Variants in TMEM98 observed in about 807,000 individuals in gnomAD.
TMEM98 encodes the protein transmembrane protein 98.
In TMEM98, 18 loss-of-function variants were observed where a neutral mutation model predicts 25.0. That is an observed-to-expected ratio of 0.72 (90% confidence interval 0.50 to 1.07). TMEM98 has a LOEUF of 1.07. TMEM98 is among the 50% of genes least tolerant of loss of function. The pLI, the probability that TMEM98 is intolerant of heterozygous loss-of-function variation, is 0.00. For missense variants in TMEM98, 241 were observed against 289.0 expected (o/e 0.83, Z 1.20); for synonymous variants, 103 against 112.4 (o/e 0.92, Z 0.53).
intron 4 of TMEM98, among the ~76,000 whole-genome samples, chr17:32,933,506 C>A (rs1567697184): frequency 6.6e-6 from 1 of 152,190 alleles, no homozygotes; most frequent in Non-Finnish European, 1.5e-5. Flanking sequence ...ATTTTGTAGA[C>A]CTGAACACTG....
intron 5 of TMEM98, among the ~76,000 whole-genome samples, chr17:32,935,569 G>C (rs2091491759): frequency 6.6e-6 from 1 of 152,128 alleles, no homozygotes; most frequent in African/African-American, 2.4e-5. Flanking sequence ...AGTCTCTGTG[G>C]TGGGAGCTGG....
At chr17:32,932,610 A>G (rs2091475876) in intron 3 of TMEM98, among the ~76,000 whole-genome samples, 1 of 152,168 alleles carries the variant, frequency 6.6e-6, no homozygotes, top group South Asian at 2.1e-4. Context: ...AAGCTCTTCT[A>G]CTGAACAGAA....
At position 32,940,874 on chromosome 17, in the gene TMEM98, C is replaced by G; in HGVS notation, c.562C>G (p.Gln188Glu). 6.2e-7 allele frequency: 1 copy of G among 1,614,178 alleles called. No homozygotes were observed. The highest frequency in any genetic ancestry group is 8.5e-7 in the Non-Finnish European group (1 of 1,180,020). Reference protein sequence around the residue: ...HLTGGLDWIDQSLSAAEEHLE... With the variant: ...HLTGGLDWIDESLSAAEEHLE... ...GACGGGAGGCCTGGACTGGATTGAC[C>G]AGTCTCTGTCGGCTGCTGAGGAGCA... The change falls in exon 8 of 8, where the codon CAG becomes GAG. Residue 188 changes from glutamine (Q) to glutamate (E), a missense_variant. Transcript: ENST00000579849.
intron 4 of TMEM98, 81 bp downstream of exon 4, chr17:32,933,386 T>A (rs2091480260): frequency 6.3e-7 from 1 of 1,583,536 alleles, no homozygotes; most frequent in African/African-American, 1.3e-5. Flanking sequence ...AGCACTTAGC[T>A]GGCATTCAAG....
chr17:32,933,186 C>G lies in TMEM98; in HGVS notation c.144C>G (p.Asp48Glu), dbSNP rs1387396028. ...LQRYDSKPIV[D>E]LIGAMETQSE... The stretch of plus-strand genomic sequence containing the variant: ...CCTTTTCTTCCAGGCCCATTGTGGA[C>G]CTCATTGGTGCCATGGAGACCCAGT... The change falls in exon 4 of 8, where the codon GAC (aspartate) becomes GAG (glutamate). Residue 48 changes from aspartate (D) to glutamate (E), a missense_variant. Physicochemically the swap from Asp to Glu is conservative, Grantham distance 45. Coordinates refer to ENST00000579849, the MANE Select transcript of TMEM98 (RefSeq NM_015544.3). 5.0e-6 allele frequency: 8 copies of G among 1,614,126 alleles called. No homozygotes were observed. Among genetic ancestry groups the G allele is most frequent in the Admixed American group, 1.7e-5 (1 of 60,016 alleles).
Position 32,936,421 on chromosome 17 carries a change from T to C in TMEM98, c.387T>C (p.Ile129=), listed in dbSNP as rs2091496711. ...MKTSASVSDI[I]VVAKRISPRV... ...CTTCAGCCAGTGTCAGCGACATCAT[T>C]GTGGTGGCCAAGCGGATCAGCCCCA... is the stretch of plus-strand genomic sequence containing the variant. The change falls in exon 6 of 8, where the codon ATT becomes ATC. Residue 129 remains isoleucine (I), a synonymous_variant. Transcript: ENST00000579849. 2 of 1,614,160 alleles carry C rather than the reference T, an allele frequency of 1.2e-6. No individual in the cohort carries two copies. The highest frequency in any genetic ancestry group is 1.7e-6 in the Non-Finnish European group (2 of 1,180,002).
chr17:32,940,479 G>A (rs928794092), intron 7 of TMEM98, among the ~76,000 whole-genome samples: 2 of 152,140 alleles, frequency 1.3e-5, no homozygotes, highest in Admixed American at 6.5e-5. Flanking sequence ...ATGTTAATAG[G>A]TGTGCTGCAG....
Position 32,941,062 on chromosome 17 carries a change from T to C in TMEM98, c.*69T>C. On this transcript the variant is annotated 3_prime_UTR_variant, in exon 8 of 8. Transcript: ENST00000579849. ...CCCTGGATGGCTCAGCTTAGCCTTC[T>C]ACTTTTTCCTATAGAGTTAGTTGTT... is the stretch of plus-strand genomic sequence containing the variant. 7.5e-7 allele frequency: 1 copy of C among 1,335,820 alleles called. No individual in the cohort carries two copies. Among genetic ancestry groups the C allele is most frequent in the Admixed American group, 2.4e-5 (1 of 40,944 alleles). The allele number at this position is 1,335,820 out of a possible 1,614,324, so 82.7% of individuals were successfully genotyped here.
intron 6 of TMEM98, among the ~76,000 whole-genome samples, chr17:32,938,793 T>C (rs1468304428): frequency 2.0e-5 from 3 of 152,232 alleles, no homozygotes; most frequent in Non-Finnish European, 4.4e-5. Context: ...TGAGTGTTCC[T>C]CCAGATCCTT....
chr17:32,941,328 C>A lies in TMEM98; in HGVS notation c.*335C>A. 5.3e-6 allele frequency: 1 copy of A among 188,362 alleles called. No homozygotes were observed. Among genetic ancestry groups the A allele is most frequent in the Non-Finnish European group, 1.1e-5 (1 of 90,660 alleles). 11.7% of individuals were successfully genotyped at this position (188,362 alleles called of 1,614,324 possible). ...CCGTCTAAGAAATCAAGAGGTTTCA[C>A]ATTAAAATTAGAATTTCTGGCCTCT... On this transcript the variant is annotated 3_prime_UTR_variant, in exon 8 of 8. Coordinates refer to ENST00000579849, the MANE Select transcript of TMEM98 (RefSeq NM_015544.3).
chr17:32,932,094 A>ATTTTTTTTTTTTTTTTTTTTTTTTTTTTT (rs774760952), intron 3 of TMEM98, among the ~76,000 whole-genome samples: 1 of 118,992 alleles, frequency 8.4e-6, no homozygotes, highest in Non-Finnish European at 1.7e-5. Flanking sequence ...TGCACAGCAG[A>ATTTTTTTTTTTTTTTTTTTTTTTTTTTTT]TTTTTTTTTT....
At chr17:32,937,420 G>A (rs1246961071) in intron 6 of TMEM98, among the ~76,000 whole-genome samples, 1 of 152,170 alleles carries the variant, frequency 6.6e-6, no homozygotes, top group Non-Finnish European at 1.5e-5. Context: ...AGTTCAGTGA[G>A]TTGAGAGAGT....
intron 6 of TMEM98, among the ~76,000 whole-genome samples, chr17:32,938,963 A>T (rs1485428559): frequency 6.6e-6 from 1 of 152,244 alleles, no homozygotes; most frequent in Non-Finnish European, 1.5e-5. Context: ...GAACTGAAAC[A>T]AAACTAGAAA....
intron 1 of TMEM98, among the ~76,000 whole-genome samples, chr17:32,930,579 C>G (rs1034868003): frequency 6.6e-6 from 1 of 152,208 alleles, no homozygotes; most frequent in Non-Finnish European, 1.5e-5. Context: ...TTTCCAGAAC[C>G]TTTACAGTCT....
chr17:32,936,168 A>C (rs1598202314), intron 5 of TMEM98, among the ~76,000 whole-genome samples, 164 bp from the exon 6 acceptor site: 1 of 151,904 alleles, frequency 6.6e-6, no homozygotes, highest in African/African-American at 2.4e-5. Flanking sequence ...GGCTTTTGCC[A>C]CTTCCCACCC....
At position 32,943,615 on chromosome 17, in the gene TMEM98, T is replaced by A. The variant is rs981557111; in HGVS notation, c.*2622T>A. 1 of 152,206 alleles carries A rather than the reference T, an allele frequency of 6.6e-6. No homozygotes were observed. Among genetic ancestry groups the A allele is most frequent in the African/African-American group, 2.4e-5 (1 of 41,442 alleles). 9.4% of individuals were successfully genotyped at this position (152,206 alleles called of 1,614,324 possible). On this transcript the variant is annotated 3_prime_UTR_variant, in exon 8 of 8. Coordinates refer to ENST00000579849, the MANE Select transcript of TMEM98 (RefSeq NM_015544.3). ...GAGAACAAGATATTTGAAGTCAGAATTAGGTTTGAATTTGGGCTCAGTGAC... is the reference window on the plus strand; with the variant it reads ...GAGAACAAGATATTTGAAGTCAGAAATAGGTTTGAATTTGGGCTCAGTGAC...
intron 1 of TMEM98, among the ~76,000 whole-genome samples, chr17:32,929,862 ACT>A (rs1204727976): frequency 6.6e-6 from 1 of 151,922 alleles, no homozygotes; most frequent in Non-Finnish European, 1.5e-5. Flanking sequence ...AAGCACAGTT[ACT>A]CTCTTTTCTG....
At chr17:32,928,854 C>T (rs1406192153) in intron 1 of TMEM98, among the ~76,000 whole-genome samples, 1 of 148,440 alleles carries the variant, frequency 6.7e-6, no homozygotes, top group African/African-American at 2.6e-5. Flanking sequence ...CAGAAGCACA[C>T]TCAGAAACAT....
chr17:32,931,665 T>C lies in TMEM98; in HGVS notation c.131+6T>C. The C allele has an allele frequency of 6.2e-7, 1 of 1,604,854 alleles. No individual in the cohort carries two copies. Among genetic ancestry groups the C allele is most frequent in the Non-Finnish European group, 8.5e-7 (1 of 1,176,622 alleles). On this transcript the variant is annotated splice_donor_region_variant and intron_variant, in intron 3 of 7. Coordinates refer to ENST00000579849, the MANE Select transcript of TMEM98 (RefSeq NM_015544.3). ...CTGCAGCGCTATGATTCTAAGTGAG[T>C]GAGCCTATGGAGGGCAAGGAGGAGG...
Sources: gnomAD v4.1 joint callset for allele counts (sites outside exome capture counted in the v4.1 genomes callset) on GRCh38, gnomAD v4.1.1 for gene constraint, MANE v1.5 for transcripts, NCBI Gene and HGNC (gene_info 2026-07-23, HGNC 2026-07-21) for gene names.